Variants in FSD1L observed in about 807,000 individuals in gnomAD.
FSD1L encodes fibronectin type III and SPRY domain containing 1 like, also known as FSD1-like protein.
In FSD1L, 45 loss-of-function variants were observed where a neutral mutation model predicts 71.6. The observed-to-expected ratio is 0.63, with a 90% CI of 0.49 to 0.81. The LOEUF (loss-of-function observed/expected upper bound fraction) is 0.81, where lower values mean the gene tolerates loss of function less well. Among genes scored for constraint, FSD1L ranks in the 30% least tolerant of loss-of-function variants. The pLI is 0.00. For missense variants in FSD1L, 561 were observed against 618.1 expected, an observed-to-expected ratio of 0.91 and a Z score of 0.98; for synonymous variants, 197 against 207.2, an observed-to-expected ratio of 0.95 and a Z score of 0.42.
rs1831750320 is a variant in FSD1L at position 105,475,702 on chromosome 9, T to C, written c.442-3652T>C. Among the ~76,000 whole-genome samples, 3 of 152,232 alleles carry C rather than the reference T, an allele frequency of 2.0e-5. No individual in the cohort carries two copies. The South Asian group carries it at 6.2e-4, about 31-fold the overall frequency. Reference sequence around the variant, plus strand: ...TCTTGGTGTTTATGTCTTACAGAAATGCAATCTCCTATTGTACAAATATGC... The same window carrying C: ...TCTTGGTGTTTATGTCTTACAGAAACGCAATCTCCTATTGTACAAATATGC... On this transcript the variant is annotated intron_variant, in intron 5 of 13. Coordinates refer to ENST00000481272, the MANE Select transcript of FSD1L (RefSeq NM_001145313.3).
chr9:105,501,273 T>C (rs1285432051), intron 7 of FSD1L, among the ~76,000 whole-genome samples: 1 of 152,192 alleles, frequency 6.6e-6, no homozygotes, highest in Non-Finnish European at 1.5e-5. Flanking sequence ...ATGGTAGTTA[T>C]ATGATAGTTA....
At chr9:105,468,111 TTC>T in intron 3 of FSD1L, 80 bp from the exon 4 acceptor site, 2 of 892,698 alleles carry the variant, frequency 2.2e-6, no homozygotes, top group Non-Finnish European at 3.1e-6. Context: ...TATAAATTTA[TTC>T]TCTCTTTTGG....
rs541832622 is a variant in FSD1L at position 105,550,990 on chromosome 9, T to C, written c.*4507T>C. The C allele has an allele frequency of 6.6e-5, 10 of 152,254 alleles. No homozygotes were observed. The highest frequency in any genetic ancestry group is 6.5e-4 in the Admixed American group (10 of 15,294). 9.4% of individuals were successfully genotyped at this position (152,254 alleles called of 1,614,324 possible). On this transcript the variant is annotated 3_prime_UTR_variant, in exon 14 of 14. Coordinates refer to ENST00000481272, the MANE Select transcript of FSD1L (RefSeq NM_001145313.3). ...GCACGTGAATGTGTTTGCTTTGGCT[T>C]GGAGCTTATTAAGTTTTGACTACGG...
chr9:105,486,870 C>T (rs1015463445), intron 7 of FSD1L, among the ~76,000 whole-genome samples: 2 of 152,098 alleles, frequency 1.3e-5, no homozygotes, highest in Non-Finnish European at 2.9e-5. Context: ...ATTTTCTTCC[C>T]TAGGAGCTAC....
At chr9:105,455,002 T>G (rs909110271) in intron 1 of FSD1L, among the ~76,000 whole-genome samples, 1 of 152,224 alleles carries the variant, frequency 6.6e-6, no homozygotes, top group African/African-American at 2.4e-5. Context: ...TTCACCTTCT[T>G]GCATCACATC....
chr9:105,452,957 G>C (rs1221223262), intron 1 of FSD1L, among the ~76,000 whole-genome samples: 1 of 150,522 alleles, frequency 6.6e-6, no homozygotes, highest in East Asian at 2.0e-4. Context: ...GGCTAGCCTT[G>C]AACTCTTGGG....
At chr9:105,522,067 A>G (rs1835202801) in intron 10 of FSD1L, 6 of 1,613,176 alleles carry the variant, frequency 3.7e-6, no homozygotes, top group Non-Finnish European at 5.1e-6. Flanking sequence ...CTACAGTTCC[A>G]AGGGAAAAAA....
chr9:105,525,512 C>T, intron 10 of FSD1L: 2 of 1,609,550 alleles, frequency 1.2e-6, no homozygotes, highest in East Asian at 4.5e-5. Flanking sequence ...GAACCAATAC[C>T]TCAAAAACCT....
In FSD1L at chr9:105,545,155, T is replaced by C. The variant is rs552217857; in HGVS notation, c.1468-1203T>C. Among the ~76,000 whole-genome samples the C allele has an allele frequency of 8.3e-3, 1,250 of 151,484 alleles. 19 individuals carry two copies. Among genetic ancestry groups the C allele is most frequent in the African/African-American group, 0.029 (1,194 of 40,928 alleles). ...AGAGGTCTTTCACATCCCGTGTAAGTTGGATTCCTAGGTATTTTATTCTCT... is the reference window on the plus strand; with the variant it reads ...AGAGGTCTTTCACATCCCGTGTAAGCTGGATTCCTAGGTATTTTATTCTCT... On this transcript the variant is annotated intron_variant, in intron 13 of 13. Coordinates refer to ENST00000481272, the MANE Select transcript of FSD1L (RefSeq NM_001145313.3).
chr9:105,542,517 G>A (rs1052001031), intron 13 of FSD1L, among the ~76,000 whole-genome samples: 3 of 151,986 alleles, frequency 2.0e-5, no homozygotes, highest in Non-Finnish European at 4.4e-5. Flanking sequence ...ACAGTGGTGC[G>A]ATCACAGCTC....
chr9:105,495,157 T>C (rs1564112244), intron 7 of FSD1L, among the ~76,000 whole-genome samples: 1 of 152,192 alleles, frequency 6.6e-6, no homozygotes, highest in Non-Finnish European at 1.5e-5. Context: ...CTCCACCCAG[T>C]TTGAGCTTCC....
At chr9:105,508,159 CGA>C (rs1834171154) in intron 8 of FSD1L, among the ~76,000 whole-genome samples, 2 of 144,492 alleles carry the variant, frequency 1.4e-5, no homozygotes, top group East Asian at 2.1e-4. Flanking sequence ...CCACTGCGCC[CGA>C]CCACATATCA....
chr9:105,443,828 T>A (rs193097212), upstream of FSD1L, among the ~76,000 whole-genome samples: 864 of 152,314 alleles, frequency 5.7e-3, 8 homozygotes, highest in Middle Eastern at 0.01. Flanking sequence ...ATTTTTTGAA[T>A]GCTCACTACA....
chr9:105,459,267 T>A lies in FSD1L; in HGVS notation c.16-2253T>A, dbSNP rs918614232. On this transcript the variant is annotated intron_variant, in intron 1 of 13. Transcript: ENST00000481272. ...GTTTTCATATGTTTTGGTGCTGTGG[T>A]GGTAGTTTTGTCTTAAATATTCTGA... Among the ~76,000 whole-genome samples the A allele has an allele frequency of 3.3e-5, 5 of 152,324 alleles. No homozygotes were observed. The South Asian group carries it at 1.0e-3, about 32-fold the overall frequency.
At chr9:105,524,326 C>T in intron 10 of FSD1L, 1 of 1,613,672 alleles carries the variant, frequency 6.2e-7, no homozygotes, top group Non-Finnish European at 8.5e-7. Context: ...CCTGATTCTC[C>T]CTTGAAAATT....
At chr9:105,534,007 G>A (rs988565793) in intron 10 of FSD1L, among the ~76,000 whole-genome samples, 2 of 152,228 alleles carry the variant, frequency 1.3e-5, no homozygotes, top group Admixed American at 1.3e-4. Context: ...TTACAGGTGT[G>A]AGCCACCGTG....
chr9:105,452,673 T>G (rs4998830), intron 1 of FSD1L, among the ~76,000 whole-genome samples: 14,161 of 76,328 alleles, frequency 0.19, 772 homozygotes, highest in East Asian at 0.31. Context: ...CTGCCTGCCT[T>G]CCTTCCTTCC....
chr9:105,516,694 A>G (rs1834748153), intron 10 of FSD1L, among the ~76,000 whole-genome samples: 1 of 152,250 alleles, frequency 6.6e-6, no homozygotes, highest in Admixed American at 6.5e-5. Flanking sequence ...TACAGAAGGT[A>G]GACACATCCA....
chr9:105,543,463 T>C (rs2131531348), intron 13 of FSD1L, among the ~76,000 whole-genome samples: 1 of 152,338 alleles, frequency 6.6e-6, no homozygotes, highest in East Asian at 1.9e-4. Flanking sequence ...CTTTAAGTTC[T>C]AGGGTACATG....
Sources: gnomAD v4.1 joint callset for allele counts (sites outside exome capture counted in the v4.1 genomes callset) on GRCh38, gnomAD v4.1.1 for gene constraint, MANE v1.5 for transcripts, NCBI Gene and HGNC (gene_info 2026-07-23, HGNC 2026-07-21) for gene names.